GRXCR2: variants seen among roughly 807,000 people sequenced by gnomAD.
GRXCR2 encodes glutaredoxin and cysteine rich domain containing 2.
In GRXCR2, 23 loss-of-function variants were observed where a neutral mutation model predicts 24.8. The ratio of observed to expected loss-of-function variants is 0.93; its 90% CI spans 0.67 to 1.32. The LOEUF is 1.32. Among genes scored for constraint, GRXCR2 ranks in the 40% most tolerant of loss-of-function variants. The probability of loss-of-function intolerance (pLI) is 0.00; values close to 1 mark genes in which losing one functional copy is unlikely to be tolerated. For synonymous variants in GRXCR2, 130 were observed against 116.1 expected, an observed-to-expected ratio of 1.12 and a Z score of -0.77; for missense variants, 315 against 303.4, an observed-to-expected ratio of 1.04 and a Z score of -0.28.
At chr5:145,875,602 T>A (rs1280768888), upstream of GRXCR2, among the ~76,000 whole-genome samples, 1 of 152,118 alleles carries the variant, frequency 6.6e-6, no homozygotes, top group Non-Finnish European at 1.5e-5. Flanking sequence ...TTTTTTTTAA[T>A]CTACCTTTCT....
At chr5:145,922,163 C>A (rs965151453) in intron 2 of GRXCR2, among the ~76,000 whole-genome samples, 6 of 152,154 alleles carry the variant, frequency 3.9e-5, no homozygotes, top group Non-Finnish European at 7.4e-5. Flanking sequence ...AGCCCCAAAG[C>A]CTGACACTCC....
intron 2 of GRXCR2, among the ~76,000 whole-genome samples, chr5:145,889,271 G>A (rs1174328643): frequency 6.6e-6 from 1 of 151,718 alleles, no homozygotes; most frequent in African/African-American, 2.4e-5. Flanking sequence ...CTGGGGACTT[G>A]GGGGGAAGTG....
At chr5:145,891,471 A>G (rs1191742756) in intron 2 of GRXCR2, among the ~76,000 whole-genome samples, 1 of 152,234 alleles carries the variant, frequency 6.6e-6, no homozygotes, top group Non-Finnish European at 1.5e-5. Flanking sequence ...AGCAAACGGC[A>G]CACCAGGAGA....
At chr5:145,927,940 G>C (rs968249057) in intron 2 of GRXCR2, among the ~76,000 whole-genome samples, 5 of 152,120 alleles carry the variant, frequency 3.3e-5, no homozygotes, top group African/African-American at 9.7e-5. Context: ...CACAGCAAAA[G>C]AAACTACCAT....
intron 2 of GRXCR2, among the ~76,000 whole-genome samples, chr5:145,887,058 T>C (rs1276806071): frequency 6.6e-6 from 1 of 152,256 alleles, no homozygotes; most frequent in Non-Finnish European, 1.5e-5. Flanking sequence ...GAACTGATCA[T>C]CAATTTTAAA....
chr5:145,879,631 T>G lies in GRXCR2; in HGVS notation c.-69-12903A>C, dbSNP rs1482487146. Among the ~76,000 whole-genome samples, 3 of 152,038 alleles carry G rather than the reference T, an allele frequency of 2.0e-5. No homozygotes were observed. The East Asian group carries it at 5.8e-4, about 29-fold the overall frequency. On this transcript the variant is annotated intron_variant, in intron 2 of 3. Transcript: ENST00000639411. Reference sequence around the variant, plus strand: ...GATTTTAACACCCCACTGTCAATATTAGACAGATTAATGAGACAGAAGGTT... The same window carrying G: ...GATTTTAACACCCCACTGTCAATATGAGACAGATTAATGAGACAGAAGGTT...
chr5:145,930,060 C>CTTTATTTATTTA (rs77261565), intron 2 of GRXCR2, among the ~76,000 whole-genome samples: 29,531 of 151,046 alleles, frequency 0.2, 3,020 homozygotes, highest in Non-Finnish European at 0.22. Flanking sequence ...TTGGGCTAGT[C>CTTTATTTATTTA]TTTATTTATT....
chr5:145,873,906 C>T (rs909536171), upstream of GRXCR2, among the ~76,000 whole-genome samples: 2 of 152,196 alleles, frequency 1.3e-5, no homozygotes, highest in African/African-American at 4.8e-5. Flanking sequence ...CCCATACAGA[C>T]CTCACACAGG....
At chr5:145,926,714 CT>C in intron 2 of GRXCR2, among the ~76,000 whole-genome samples, 1 of 152,134 alleles carries the variant, frequency 6.6e-6, no homozygotes, top group Non-Finnish European at 1.5e-5. Flanking sequence ...AATGCAGGCT[CT>C]TTTTTGGTTC....
chr5:145,908,835 T>C lies in GRXCR2; in HGVS notation c.-70+26866A>G, dbSNP rs962445077. Among the ~76,000 whole-genome samples the C allele has an allele frequency of 7.9e-5, 12 of 152,236 alleles. No individual in the cohort carries two copies. In the Middle Eastern group the frequency reaches 0.01, roughly 129 times the overall value. The stretch of plus-strand genomic sequence containing the variant: ...CTGCTGGGAGGTAGAAGAAAGGCAA[T>C]GTACGTAGTAATGACAGAGCTAAAA... On this transcript the variant is annotated intron_variant, in intron 2 of 3. Coordinates refer to the GRXCR2 transcript ENST00000639411.
chr5:145,893,269 T>G (rs535341498), intron 2 of GRXCR2, among the ~76,000 whole-genome samples: 7 of 152,268 alleles, frequency 4.6e-5, no homozygotes, highest in African/African-American at 1.7e-4. Context: ...CAGGATCAGA[T>G]TCACACATAA....
intron 2 of GRXCR2, among the ~76,000 whole-genome samples, chr5:145,894,101 A>G (rs562163353): frequency 6.6e-6 from 1 of 152,238 alleles, no homozygotes; most frequent in African/African-American, 2.4e-5. Context: ...CAAAGACACA[A>G]CATACCAGAA....
chr5:145,885,938 G>A (rs918326562), intron 2 of GRXCR2, among the ~76,000 whole-genome samples: 1 of 152,230 alleles, frequency 6.6e-6, no homozygotes, highest in African/African-American at 2.4e-5. Flanking sequence ...CCGAAGTGCA[G>A]AGAGGTTAAG....
At chr5:145,908,146 C>A (rs1352880870) in intron 2 of GRXCR2, among the ~76,000 whole-genome samples, 1 of 152,136 alleles carries the variant, frequency 6.6e-6, no homozygotes, top group Non-Finnish European at 1.5e-5. Context: ...CCTTGTAAGA[C>A]AATGAGATGA....
At chr5:145,879,951 A>G (rs1165594635) in intron 2 of GRXCR2, among the ~76,000 whole-genome samples, 1 of 152,192 alleles carries the variant, frequency 6.6e-6, no homozygotes, top group African/African-American at 2.4e-5. Flanking sequence ...CTACTGGGTA[A>G]ATAACGAAAT....
intron 2 of GRXCR2, among the ~76,000 whole-genome samples, chr5:145,921,066 A>G (rs1409417906): frequency 6.6e-6 from 1 of 152,230 alleles, no homozygotes; most frequent in Non-Finnish European, 1.5e-5. Context: ...ATAGCATCCC[A>G]AACAGACTAA....
chr5:145,892,364 C>T (rs556700529), intron 2 of GRXCR2, among the ~76,000 whole-genome samples: 1 of 152,108 alleles, frequency 6.6e-6, no homozygotes, highest in South Asian at 2.1e-4. Context: ...GAACCCATGG[C>T]AAAGAAGTTA....
At chr5:145,876,566 G>A (rs1023730817), upstream of GRXCR2, among the ~76,000 whole-genome samples, 1 of 152,036 alleles carries the variant, frequency 6.6e-6, no homozygotes, top group African/African-American at 2.4e-5. Context: ...AAACCAGTGA[G>A]CTGACTTCCA....
At chr5:145,915,894 C>G (rs1287037440) in intron 2 of GRXCR2, among the ~76,000 whole-genome samples, 1 of 152,196 alleles carries the variant, frequency 6.6e-6, no homozygotes, top group Non-Finnish European at 1.5e-5. Flanking sequence ...CTATTCAGAG[C>G]TTTCAGCACG....
Sources: gnomAD v4.1 joint callset for allele counts (sites outside exome capture counted in the v4.1 genomes callset) on GRCh38, gnomAD v4.1.1 for gene constraint, MANE v1.5 for transcripts, NCBI Gene and HGNC (gene_info 2026-07-23, HGNC 2026-07-21) for gene names.